KIF26B: variants seen among roughly 807,000 people sequenced by gnomAD.
KIF26B encodes kinesin-like protein KIF26B.
Under a neutral mutation model 151.2 loss-of-function variants are expected in KIF26B, and 63 were observed. The ratio of observed to expected loss-of-function variants is 0.42; its 90% CI spans 0.34 to 0.51. The LOEUF (loss-of-function observed/expected upper bound fraction) is 0.51. Among genes scored for constraint, KIF26B ranks in the 20% least tolerant of loss-of-function variants. The probability of loss-of-function intolerance (pLI) is 0.07; values close to 1 mark genes in which losing one functional copy is unlikely to be tolerated. For synonymous variants in KIF26B, 1,357 were observed against 1,262.1 expected, an observed-to-expected ratio of 1.08 and a Z score of -1.59; for missense variants, 2,813 against 2,913.6, an observed-to-expected ratio of 0.97 and a Z score of 0.79.
chr1:245,234,141 G>A (rs767699716), intron 2 of KIF26B, among the ~76,000 whole-genome samples: 2 of 151,638 alleles, frequency 1.3e-5, no homozygotes, highest in Non-Finnish European at 2.9e-5. Context: ...CCAAGATCGC[G>A]CCACTGCACT....
chr1:245,638,456 T>C (rs2043856690), intron 9 of KIF26B, among the ~76,000 whole-genome samples: 1 of 151,960 alleles, frequency 6.6e-6, no homozygotes, highest in Non-Finnish European at 1.5e-5. Flanking sequence ...CCTTTCTAAT[T>C]TGGATGCCCT....
At position 245,217,944 on chromosome 1, in the gene KIF26B, C is replaced by T. The variant is rs564236980; in HGVS notation, c.465+61261C>T. 1.4e-4 allele frequency among the ~76,000 whole-genome samples: 21 copies of T among 152,298 alleles called. No homozygotes were observed. In the South Asian group the frequency reaches 2.9e-3, roughly 21 times the overall value. On this transcript the variant is annotated intron_variant, in intron 2 of 14. Transcript: ENST00000407071. The stretch of plus-strand genomic sequence containing the variant: ...TTTTACAAAAGTGGAACAGAAGCAC[C>T]GAGAGAATAAATGAGCTGCCTGAGA...
At chr1:245,288,585 G>A (rs534146437) in intron 2 of KIF26B, among the ~76,000 whole-genome samples, 9 of 152,302 alleles carry the variant, frequency 5.9e-5, no homozygotes, top group South Asian at 2.1e-4. Flanking sequence ...GTGGTGGGCC[G>A]CTGGGCCAGT....
intron 3 of KIF26B, among the ~76,000 whole-genome samples, chr1:245,374,096 T>A (rs7518272): frequency 1.8e-3 from 10 of 5,428 alleles, no homozygotes; most frequent in Admixed American, 3.6e-3. Flanking sequence ...AAAAAAAAAA[T>A]ATATATATAT....
intron 10 of KIF26B, among the ~76,000 whole-genome samples, chr1:245,661,333 A>C (rs1047676698): frequency 5.7e-5 from 5 of 88,440 alleles, no homozygotes; most frequent in African/African-American, 2.0e-4. Context: ...AAATGTATTT[A>C]CTAATCGCCA....
chr1:245,383,927 G>A (rs76581806), intron 3 of KIF26B, among the ~76,000 whole-genome samples: 547 of 152,264 alleles, frequency 3.6e-3, no homozygotes, highest in African/African-American at 0.013. Context: ...TAAAACTTGC[G>A]GAACGTGTAT....
intron 2 of KIF26B, among the ~76,000 whole-genome samples, chr1:245,269,616 C>T (rs1282496573): frequency 6.6e-6 from 1 of 151,932 alleles, no homozygotes; most frequent in Non-Finnish European, 1.5e-5. Context: ...AGGCGCCTGC[C>T]ACCACGCCAA....
At chr1:245,434,207 G>C (rs895610891) in intron 4 of KIF26B, among the ~76,000 whole-genome samples, 2 of 152,146 alleles carry the variant, frequency 1.3e-5, no homozygotes, top group African/African-American at 4.8e-5. Flanking sequence ...GCACTTACTA[G>C]GGATGGAAAA....
Position 245,488,605 on chromosome 1 carries a change from C to T in KIF26B, c.1167-52162C>T, listed in dbSNP as rs578026954. The stretch of plus-strand genomic sequence containing the variant: ...CATCCCTGGAATTAGATCGGAGCCA[C>T]AGATGCTATCACTCCTCTGCCGTGG... On this transcript the variant is annotated intron_variant, in intron 4 of 14. Transcript: ENST00000407071. The surrounding 1 kb of genome is among the most constrained non-coding windows in gnomAD (Gnocchi z 4.6). 1.3e-5 allele frequency among the ~76,000 whole-genome samples: 2 copies of T among 152,316 alleles called. No homozygotes were observed. The highest frequency in any genetic ancestry group is 4.1e-4 in the South Asian group (2 of 4,822).
chr1:245,648,184 A>T (rs1220597179), intron 10 of KIF26B, among the ~76,000 whole-genome samples: 1 of 152,174 alleles, frequency 6.6e-6, no homozygotes, highest in Non-Finnish European at 1.5e-5. Flanking sequence ...TATCTTACTT[A>T]TAGCTTTTAC....
At chr1:245,674,812 G>C (rs745689503) in intron 10 of KIF26B, among the ~76,000 whole-genome samples, 3 of 152,164 alleles carry the variant, frequency 2.0e-5, no homozygotes, top group Non-Finnish European at 2.9e-5. Context: ...ATTGAGATGA[G>C]CTCCTCAGAA....
intron 9 of KIF26B, among the ~76,000 whole-genome samples, chr1:245,634,521 G>A (rs1158645073): frequency 1.3e-5 from 2 of 152,032 alleles, no homozygotes; most frequent in Non-Finnish European, 2.9e-5. Flanking sequence ...ATATTGCTGA[G>A]GATTTTTTAT....
At chr1:245,670,642 A>G (rs191561943) in intron 10 of KIF26B, among the ~76,000 whole-genome samples, 5 of 152,044 alleles carry the variant, frequency 3.3e-5, no homozygotes, top group African/African-American at 1.2e-4. Flanking sequence ...TTCATCCACA[A>G]ATGAGGAGAG....
In KIF26B at chr1:245,704,055, G is replaced by GTGAC. The variant is rs2044809032; in HGVS notation, c.*1452_*1453insCTGA. On this transcript the variant is annotated 3_prime_UTR_variant, in exon 15 of 15. Transcript: ENST00000407071. ...CTTAGGAATTATGATACCCATTTTA[G>GTGAC]TGATTGATAGAAACCTGGGGTACAG... 2 of 151,658 alleles carry GTGAC rather than the reference G, an allele frequency of 1.3e-5. No homozygotes were observed. The highest frequency in any genetic ancestry group is 2.1e-4 in the South Asian group (1 of 4,808). The allele number at this position is 151,658 out of a possible 1,614,324, so 9.4% of individuals were successfully genotyped here.
chr1:245,686,761 C>T lies in KIF26B; in HGVS notation c.3778C>T (p.Pro1260Ser). 6.2e-7 allele frequency: 1 copy of T among 1,613,556 alleles called. No individual in the cohort carries two copies. ...CAGCATCACACAGTTCTTGCCCCTC[C>T]CGAAGATGAGCCTGGATGAGAAGGC... ...EVSITQFLPLPKMSLDEKAQD... is the reference protein window; with the variant it reads ...EVSITQFLPLSKMSLDEKAQD... The change falls in exon 12 of 15, where the codon CCG becomes TCG. Residue 1260 changes from proline (P) to serine (S), a missense_variant. By Grantham distance (74) the Pro-to-Ser change is moderately conservative. Around this residue, in one of 3 missense-constraint regions of KIF26B, gnomAD observed 2,060 missense variants for 2,088.6 expected, o/e 0.99. Transcript: ENST00000407071. This position sits in a 1 kb window ranked among gnomAD's most constrained non-coding sequence, Gnocchi z 5.6.
At position 245,540,541 on chromosome 1, in the gene KIF26B, T is replaced by TGCTATTTTATG. The variant is rs2103102475; in HGVS notation, c.1167-222_1167-212dup. The stretch of plus-strand genomic sequence containing the variant: ...TTTGTAAATCGTGATTGCAGAATCC[T>TGCTATTTTATG]GCTATTTTATGGCTTTGTTTTTCCT... On this transcript the variant is annotated intron_variant, in intron 4 of 14. Coordinates refer to ENST00000407071, the MANE Select transcript of KIF26B (RefSeq NM_018012.4). This position sits in a 1 kb window ranked among gnomAD's most constrained non-coding sequence, Gnocchi z 4.6. The TGCTATTTTATG allele has an allele frequency of 1.4e-6, 1 of 698,140 alleles. No individual in the cohort carries two copies. The highest frequency in any genetic ancestry group is 2.7e-5 in the East Asian group (1 of 36,808). 43.2% of individuals were successfully genotyped at this position (698,140 alleles called of 1,614,324 possible).
At chr1:245,528,251 C>T (rs1448386347) in intron 4 of KIF26B, among the ~76,000 whole-genome samples, 1 of 152,094 alleles carries the variant, frequency 6.6e-6, no homozygotes, top group African/African-American at 2.4e-5. Context: ...CAGGGCTCCG[C>T]ACAGGCTAAA....
intron 2 of KIF26B, among the ~76,000 whole-genome samples, chr1:245,324,832 T>C (rs575089392): frequency 3.9e-5 from 6 of 152,040 alleles, no homozygotes; most frequent in East Asian, 3.9e-4. Flanking sequence ...CGGTGGCTCA[T>C]GCCTGTAATC....
intron 9 of KIF26B, 66 bp from the exon 10 acceptor site, chr1:245,646,055 C>T (rs2043942109): frequency 6.5e-7 from 1 of 1,526,902 alleles, no homozygotes; most frequent in Admixed American, 1.8e-5. Flanking sequence ...CAAGGAGCTA[C>T]ATGAAGAACA....
Sources: gnomAD v4.1 joint callset for allele counts (sites outside exome capture counted in the v4.1 genomes callset) on GRCh38, gnomAD v4.1.1 for gene constraint, gnomAD v4.1.1 regional missense constraint, Gnocchi (gnomAD v3.1) non-coding constraint, MANE v1.5 for transcripts, NCBI Gene and HGNC (gene_info 2026-07-23, HGNC 2026-07-21) for gene names.